The following PPP4R3A variants were observed in gnomAD, a reference collection of about 807,000 sequenced individuals.
PPP4R3A encodes the protein protein phosphatase 4 regulatory subunit 3A.
A neutral mutation model predicts 91.7 loss-of-function variants in PPP4R3A; 15 were observed. The ratio of observed to expected loss-of-function variants is 0.16; its 90% CI spans 0.11 to 0.25. The LOEUF is 0.25. Among genes scored for constraint, PPP4R3A ranks in the 10% least tolerant of loss-of-function variants. PPP4R3A has a pLI of 1.00. For missense variants in PPP4R3A, 623 were observed against 998.4 expected (o/e 0.62, Z 5.07); for synonymous variants, 377 against 348.7 (o/e 1.08, Z -0.91).
chr14:91,465,672 A>C (rs1285797346), intron 10 of PPP4R3A, among the ~76,000 whole-genome samples: 1 of 152,206 alleles, frequency 6.6e-6, no homozygotes, highest in African/African-American at 2.4e-5. Context: ...CCTGAAAATA[A>C]ACCAGTTACT....
At chr14:91,468,258 A>C (rs1370529057) in intron 10 of PPP4R3A, among the ~76,000 whole-genome samples, 4 of 152,256 alleles carry the variant, frequency 2.6e-5, no homozygotes, top group African/African-American at 7.2e-5. Flanking sequence ...GATTCTCTCC[A>C]AAGTTCTCAT....
intron 2 of PPP4R3A, among the ~76,000 whole-genome samples, chr14:91,489,058 C>A (rs192199111): frequency 2.0e-5 from 3 of 152,158 alleles, no homozygotes; most frequent in Admixed American, 2.0e-4. Context: ...CAGGTACCCG[C>A]CACCACGCCC....
At chr14:91,492,418 T>C (rs1890280695) in intron 1 of PPP4R3A, among the ~76,000 whole-genome samples, 1 of 152,228 alleles carries the variant, frequency 6.6e-6, no homozygotes, top group Non-Finnish European at 1.5e-5. Context: ...AGTTCATTTG[T>C]TTTATGAATG....
intron 10 of PPP4R3A, among the ~76,000 whole-genome samples, chr14:91,467,306 G>C (rs1009011176): frequency 1.3e-4 from 20 of 152,116 alleles, no homozygotes; most frequent in Non-Finnish European, 2.2e-4. Flanking sequence ...ACTCAAAGTA[G>C]AGTGGAGAAA....
At chr14:91,471,214 T>C (rs556771326) in intron 9 of PPP4R3A, among the ~76,000 whole-genome samples, 1 of 152,306 alleles carries the variant, frequency 6.6e-6, no homozygotes, top group Admixed American at 6.5e-5. Flanking sequence ...AGAAACTGTT[T>C]CACATTATGA....
Position 91,481,867 on chromosome 14 carries a change from A to C in PPP4R3A, c.624T>G (p.Phe208Leu). The change falls in exon 4 of 15, where the codon TTT becomes TTG. Residue 208 changes from phenylalanine (F) to leucine (L), a missense_variant. Phe to Leu is a conservative substitution (Grantham distance 22). Coordinates refer to ENST00000554943, the MANE Select transcript of PPP4R3A (RefSeq NM_001366432.2). ...GIFLLNRTAL[F>L]EVMFSEECIM... ...TACATTCTTCAGAGAACATAACTTC[A>C]AAAAGAGCAGTTCGATTCAAGAGAA... is the stretch of plus-strand genomic sequence containing the variant. 1 of 1,614,190 alleles carries C rather than the reference A, an allele frequency of 6.2e-7. No homozygotes were observed.
Position 91,460,334 on chromosome 14 carries a change from C to T in PPP4R3A, c.2391+1047G>A, listed in dbSNP as rs557997838. Among the ~76,000 whole-genome samples the T allele has an allele frequency of 4.0e-5, 6 of 151,828 alleles. No homozygotes were observed. The South Asian group carries it at 1.2e-3, about 32-fold the overall frequency. ...GGCTGCTGCTTGCTTTATTTCGATGCTAAGGGAAAAATTCACACTGCTCTG... is the reference window on the plus strand; with the variant it reads ...GGCTGCTGCTTGCTTTATTTCGATGTTAAGGGAAAAATTCACACTGCTCTG... On this transcript the variant is annotated intron_variant, in intron 14 of 14. Transcript: ENST00000554943.
intron 11 of PPP4R3A, among the ~76,000 whole-genome samples, chr14:91,465,025 T>C (rs1888390093): frequency 6.6e-6 from 1 of 152,210 alleles, no homozygotes; most frequent in Non-Finnish European, 1.5e-5. Flanking sequence ...TAACAGGCTA[T>C]GGACCGGTCC....
chr14:91,509,443 A>G, intron 1 of PPP4R3A, 63 bp downstream of exon 1: 1 of 1,534,274 alleles, frequency 6.5e-7, no homozygotes. Context: ...CCCCGCAAGA[A>G]CCAGGGAGGC....
intron 12 of PPP4R3A, 118 bp from the exon 13 acceptor site, chr14:91,462,357 T>A: frequency 1.0e-6 from 1 of 992,902 alleles, no homozygotes; most frequent in Non-Finnish European, 1.4e-6. Flanking sequence ...AATATTAAAG[T>A]ATCAATGTAA....
chr14:91,459,168 G>A (rs548909141), intron 14 of PPP4R3A, among the ~76,000 whole-genome samples: 4 of 152,076 alleles, frequency 2.6e-5, no homozygotes, highest in Non-Finnish European at 5.9e-5. Context: ...GCAGTGGTGC[G>A]ATCTCGGCTC....
At chr14:91,466,437 G>A in intron 10 of PPP4R3A, 1 of 985,788 alleles carries the variant, frequency 1.0e-6, no homozygotes, top group Non-Finnish European at 1.2e-6. Context: ...AGGCAGAGGA[G>A]TAAAGCAGCT....
chr14:91,505,809 C>G (rs1891257364), intron 1 of PPP4R3A, among the ~76,000 whole-genome samples: 1 of 152,160 alleles, frequency 6.6e-6, no homozygotes, highest in Admixed American at 6.6e-5. Flanking sequence ...AAATACTTTC[C>G]ATTTTGCTCA....
intron 1 of PPP4R3A, among the ~76,000 whole-genome samples, chr14:91,492,184 C>G (rs1294043824): frequency 6.6e-6 from 1 of 152,138 alleles, no homozygotes; most frequent in Non-Finnish European, 1.5e-5. Flanking sequence ...TTCCCATACC[C>G]CTCTCCTCTT....
chr14:91,507,821 C>G (rs1891508225), intron 1 of PPP4R3A, among the ~76,000 whole-genome samples: 1 of 151,568 alleles, frequency 6.6e-6, no homozygotes. Flanking sequence ...ATAAATTGAT[C>G]TCAAATCTAC....
intron 1 of PPP4R3A, among the ~76,000 whole-genome samples, chr14:91,493,223 T>C (rs991380704): frequency 1.3e-5 from 2 of 151,006 alleles, no homozygotes; most frequent in Non-Finnish European, 2.9e-5. Flanking sequence ...ACCCCATCTG[T>C]ACTAAAAATA....
chr14:91,479,293 C>CGTGTGTGTGTGTGTGT (rs3029507), intron 4 of PPP4R3A, among the ~76,000 whole-genome samples: 15 of 144,204 alleles, frequency 1.0e-4, no homozygotes, highest in South Asian at 2.2e-4. Flanking sequence ...TAAAAAACAA[C>CGTGTGTGTGTGTGTGT]GTGTGTGTGT....
Position 91,506,329 on chromosome 14 carries a change from A to G in PPP4R3A, c.142+3177T>C, listed in dbSNP as rs565824913. Among the ~76,000 whole-genome samples the G allele has an allele frequency of 2.6e-5, 4 of 152,338 alleles. No homozygotes were observed. In the South Asian group the frequency reaches 8.3e-4, roughly 32 times the overall value. The stretch of plus-strand genomic sequence containing the variant: ...AATAAAGCAGCAAATGCAAGTAGAC[A>G]GTAACATGGGAGTTTAATATGGTTA... On this transcript the variant is annotated intron_variant, in intron 1 of 14. Transcript: ENST00000554943.
Position 91,491,169 on chromosome 14 carries a change from G to A in PPP4R3A, c.143-367C>T, listed in dbSNP as rs187070590. On this transcript the variant is annotated intron_variant, in intron 1 of 14. Transcript: ENST00000554943. ...TGATCCACCAGCCTCGGCCTCCCAA[G>A]GTGCTGGCATTACACCCGTGAGCCA... Among the ~76,000 whole-genome samples the A allele has an allele frequency of 2.4e-4, 36 of 151,782 alleles. 1 individual carries two copies. In the East Asian group the frequency reaches 6.6e-3, roughly 28 times the overall value.
Sources: gnomAD v4.1 joint callset for allele counts (sites outside exome capture counted in the v4.1 genomes callset) on GRCh38, gnomAD v4.1.1 for gene constraint, MANE v1.5 for transcripts, NCBI Gene and HGNC (gene_info 2026-07-23, HGNC 2026-07-21) for gene names.